Variants in NR3C2 observed in about 807,000 individuals in gnomAD.
NR3C2 encodes the protein mineralocorticoid receptor.
In NR3C2, 15 loss-of-function variants were observed where a neutral mutation model predicts 86.4. That is an observed-to-expected ratio of 0.17 (90% CI 0.12 to 0.27). NR3C2 has a LOEUF of 0.27. NR3C2 is among the 10% of genes least tolerant of loss of function. NR3C2 has a pLI of 1.00. For missense variants in NR3C2, 960 were observed against 1,195.6 expected (o/e 0.80, Z 2.91); for synonymous variants, 458 against 450.5 (o/e 1.02, Z -0.21).
At chr4:148,417,012 G>A (rs1214731834) in intron 2 of NR3C2, among the ~76,000 whole-genome samples, 1 of 152,022 alleles carries the variant, frequency 6.6e-6, no homozygotes, top group African/African-American at 2.4e-5. Context: ...GCTGACCTCA[G>A]GTGATCCACC....
At chr4:148,118,427 C>T (rs1015462689) in intron 7 of NR3C2, among the ~76,000 whole-genome samples, 1 of 152,188 alleles carries the variant, frequency 6.6e-6, no homozygotes, top group African/African-American at 2.4e-5. Context: ...AGTTTCTCCA[C>T]CTCTCTGACA....
At chr4:148,102,878 C>T (rs1464792176) in intron 8 of NR3C2, among the ~76,000 whole-genome samples, 1 of 152,184 alleles carries the variant, frequency 6.6e-6, no homozygotes, top group Non-Finnish European at 1.5e-5. Context: ...AAGAGCCCCA[C>T]ACGACGGTGG....
At chr4:148,138,655 A>C (rs1236254275) in intron 6 of NR3C2, among the ~76,000 whole-genome samples, 1 of 152,198 alleles carries the variant, frequency 6.6e-6, no homozygotes, top group Non-Finnish European at 1.5e-5. Context: ...AAGTTTTGGG[A>C]TTACAGGTGT....
At chr4:148,296,107 T>C (rs1206344951) in intron 2 of NR3C2, among the ~76,000 whole-genome samples, 1 of 132,228 alleles carries the variant, frequency 7.6e-6, no homozygotes, top group Admixed American at 7.9e-5. Context: ...AGACCAAGAG[T>C]GAACTTAGGA....
chr4:148,352,072 G>A (rs76911223), intron 2 of NR3C2, among the ~76,000 whole-genome samples: 5,529 of 152,262 alleles, frequency 0.036, 194 homozygotes, highest in Admixed American at 0.12. Context: ...GCTGTAGGGA[G>A]AAGGGCTGAT....
chr4:148,410,517 G>A (rs768866049), intron 2 of NR3C2, among the ~76,000 whole-genome samples: 15 of 152,190 alleles, frequency 9.9e-5, no homozygotes, highest in South Asian at 4.2e-4. Context: ...TTAATTCAGG[G>A]AACTGTTAAC....
chr4:148,363,783 G>A (rs1054455599), intron 2 of NR3C2, among the ~76,000 whole-genome samples: 4 of 152,120 alleles, frequency 2.6e-5, no homozygotes, highest in East Asian at 1.9e-4. Context: ...GATTACAGGC[G>A]TGAGCCACCG....
At chr4:148,328,022 A>C (rs549503684) in intron 2 of NR3C2, among the ~76,000 whole-genome samples, 1 of 151,390 alleles carries the variant, frequency 6.6e-6, no homozygotes, top group South Asian at 2.1e-4. Context: ...CAGCTTGTCC[A>C]TTTCCAGAGG....
At chr4:148,338,324 G>A (rs756135746) in intron 2 of NR3C2, among the ~76,000 whole-genome samples, 8 of 152,142 alleles carry the variant, frequency 5.3e-5, no homozygotes, top group Non-Finnish European at 1.0e-4. Context: ...ATTGGACTAT[G>A]TAGTTACAGA....
At chr4:148,271,630 A>ACC (rs1740690171) in intron 2 of NR3C2, among the ~76,000 whole-genome samples, 1 of 152,050 alleles carries the variant, frequency 6.6e-6, no homozygotes, top group African/African-American at 2.4e-5. Flanking sequence ...AGCAAAAACT[A>ACC]CCAAATACTC....
At chr4:148,114,073 C>T (rs1310545844) in intron 8 of NR3C2, 31 bp downstream of exon 8, 1 of 1,611,188 alleles carries the variant, frequency 6.2e-7, no homozygotes, top group Non-Finnish European at 8.5e-7. Context: ...GCTGATCCTT[C>T]ACTTAGGAAC....
chr4:148,375,378 C>A (rs1746623542), intron 2 of NR3C2, among the ~76,000 whole-genome samples: 1 of 151,876 alleles, frequency 6.6e-6, no homozygotes, highest in Non-Finnish European at 1.5e-5. Context: ...ATTGCTTGAA[C>A]CCGGGAGGTG....
chr4:148,317,143 T>C (rs1192828522), intron 2 of NR3C2, among the ~76,000 whole-genome samples: 1 of 152,096 alleles, frequency 6.6e-6, no homozygotes, highest in Non-Finnish European at 1.5e-5. Context: ...AACTTATAAA[T>C]GTATTCACTT....
intron 2 of NR3C2, among the ~76,000 whole-genome samples, chr4:148,410,633 C>T (rs534658131): frequency 6.6e-6 from 1 of 152,204 alleles, no homozygotes; most frequent in African/African-American, 2.4e-5. Flanking sequence ...CGGCCAGGGA[C>T]CTTTCACTAT....
At chr4:148,437,518 T>TG (rs1750137367) in intron 1 of NR3C2, among the ~76,000 whole-genome samples, 1 of 152,250 alleles carries the variant, frequency 6.6e-6, no homozygotes, top group East Asian at 1.9e-4. Flanking sequence ...TGAAAAGATC[T>TG]ATACATTCTG....
intron 2 of NR3C2, among the ~76,000 whole-genome samples, chr4:148,403,201 T>G (rs979871806): frequency 2.0e-5 from 3 of 152,082 alleles, no homozygotes; most frequent in Non-Finnish European, 4.4e-5. Context: ...TTTCCCCTCA[T>G]ATTACTATAA....
chr4:148,209,251 A>G (rs6535592), intron 3 of NR3C2, among the ~76,000 whole-genome samples: 81,690 of 150,646 alleles, frequency 0.54, 22,548 homozygotes, highest in East Asian at 0.74. Flanking sequence ...CTCAAAAAAA[A>G]AAAAAAAAAA....
At chr4:148,445,123 A>G (rs2126680408), upstream of NR3C2, among the ~76,000 whole-genome samples, 1 of 151,960 alleles carries the variant, frequency 6.6e-6, no homozygotes, top group East Asian at 2.0e-4. Flanking sequence ...GACAACCTGG[A>G]GGCCAAAGGA....
At chr4:148,108,963 G>A (rs1387646777) in intron 8 of NR3C2, among the ~76,000 whole-genome samples, 2 of 152,156 alleles carry the variant, frequency 1.3e-5, no homozygotes, top group Non-Finnish European at 1.5e-5. Context: ...CCTATATGAT[G>A]GTTTTCTGAT....
Sources: allele counts gnomAD v4.1 joint callset (sites outside exome capture counted in the v4.1 genomes callset), GRCh38; gene constraint gnomAD v4.1.1; transcripts MANE v1.5; gene names NCBI Gene and HGNC (gene_info 2026-07-23, HGNC 2026-07-21).